PCDHA1: variants seen among roughly 807,000 people sequenced by gnomAD.
PCDHA1 encodes protocadherin alpha 1.
PCDHA1 carries 42 observed loss-of-function variants against 61.3 expected under a neutral mutation model. The observed-to-expected ratio is 0.69, with a 90% CI of 0.54 to 0.89. The LOEUF is 0.89. PCDHA1 is among the 40% of genes least tolerant of loss of function. The probability of loss-of-function intolerance (pLI) is 0.00; values close to 1 mark genes in which losing one functional copy is unlikely to be tolerated. For missense variants in PCDHA1, 1,256 were observed against 1,235.3 expected, an observed-to-expected ratio of 1.02 and a Z score of -0.25; for synonymous variants, 610 against 553.8, an observed-to-expected ratio of 1.10 and a Z score of -1.43.
chr5:140,949,263 C>T (rs1210516513), intron 1 of PCDHA1, among the ~76,000 whole-genome samples: 3 of 151,832 alleles, frequency 2.0e-5, no homozygotes, highest in South Asian at 4.1e-4. Flanking sequence ...GAACATATCA[C>T]GTGCACTTGA....
intron 1 of PCDHA1, among the ~76,000 whole-genome samples, chr5:140,947,890 G>A (rs1233922642): frequency 1.3e-5 from 2 of 151,506 alleles, no homozygotes; most frequent in African/African-American, 4.8e-5. Context: ...AATATAAACA[G>A]AAGTGGTGAG....
At chr5:140,928,699 G>A in intron 1 of PCDHA1, 3 of 1,614,170 alleles carry the variant, frequency 1.9e-6, no homozygotes, top group Non-Finnish European at 2.5e-6. Flanking sequence ...CATCTCCCGG[G>A]CGTCTGACTC....
chr5:140,856,271 G>T lies in PCDHA1; in HGVS notation c.2394+67587G>T, dbSNP rs782472888. On this transcript the variant is annotated intron_variant, in intron 1 of 3. Coordinates refer to ENST00000504120, the MANE Select transcript of PCDHA1 (RefSeq NM_018900.4). ...GTCCAAAAGACACGGGGACCTTCTG[G>T]AGGTAAATCTGCAGAATGGCATTTT... 7 of 1,598,148 alleles carry T rather than the reference G, an allele frequency of 4.4e-6. 1 individual carries two copies. The highest frequency in any genetic ancestry group is 6.0e-6 in the Non-Finnish European group (7 of 1,167,948).
chr5:140,843,262 G>T (rs2150356218), intron 1 of PCDHA1: 4 of 1,596,090 alleles, frequency 2.5e-6, no homozygotes, highest in Admixed American at 1.7e-5. Flanking sequence ...GCCACCGTCT[G>T]CTGGTCCTGG....
chr5:140,796,659 G>C (rs930219115), intron 1 of PCDHA1: 13 of 1,613,776 alleles, frequency 8.1e-6, no homozygotes, highest in Admixed American at 3.3e-5. Flanking sequence ...CGCCGGCACT[G>C]TTGGCGCCTA....
At chr5:140,795,754 T>A (rs182370314) in intron 1 of PCDHA1, 17 of 1,614,058 alleles carry the variant, frequency 1.1e-5, no homozygotes, top group Non-Finnish European at 1.4e-5. Context: ...AGTGGTTAAG[T>A]TAAACGCTTC....
intron 1 of PCDHA1, among the ~76,000 whole-genome samples, chr5:140,900,465 C>T (rs936722061): frequency 1.3e-5 from 2 of 152,156 alleles, no homozygotes; most frequent in Admixed American, 1.3e-4. Context: ...TTAGTAGACA[C>T]GGAGTTTCTC....
At chr5:140,830,049 A>G in intron 1 of PCDHA1, 1 of 1,613,626 alleles carries the variant, frequency 6.2e-7, no homozygotes, top group East Asian at 2.2e-5. Flanking sequence ...CTGGTGAAAG[A>G]CCACGGTGAG....
chr5:140,831,748 C>T (rs899662320), intron 1 of PCDHA1, among the ~76,000 whole-genome samples: 2 of 152,008 alleles, frequency 1.3e-5, no homozygotes, highest in Non-Finnish European at 1.5e-5. Context: ...TAAATTTCAT[C>T]GCTACCAATT....
intron 1 of PCDHA1, among the ~76,000 whole-genome samples, chr5:140,792,964 T>C (rs1247610593): frequency 1.3e-5 from 2 of 152,218 alleles, no homozygotes; most frequent in Admixed American, 1.3e-4. Context: ...ATAATTTAGG[T>C]GGAGCTGATT....
intron 1 of PCDHA1, among the ~76,000 whole-genome samples, chr5:140,879,457 T>A (rs1554170803): frequency 6.6e-6 from 1 of 152,176 alleles, no homozygotes; most frequent in Non-Finnish European, 1.5e-5. Context: ...TTTGAAGTCC[T>A]AAGAGAATAC....
At chr5:140,982,217 C>A in intron 2 of PCDHA1, 1 of 507,664 alleles carries the variant, frequency 2.0e-6, no homozygotes, top group Non-Finnish European at 3.1e-6. Flanking sequence ...CGCCACATGG[C>A]GTTAATAAAA....
intron 1 of PCDHA1, chr5:140,859,885 A>G (rs2046070858): frequency 1.3e-5 from 2 of 151,844 alleles, no homozygotes; most frequent in South Asian, 4.2e-4. Context: ...TGATATTTTG[A>G]AAAAAAATCT....
rs2150283763 is a variant in PCDHA1 at position 140,838,077 on chromosome 5, AGTGTGTGTGTGTGTGTGT to A, written c.2394+49430_2394+49447del. On this transcript the variant is annotated intron_variant, in intron 1 of 3. Coordinates refer to ENST00000504120, the MANE Select transcript of PCDHA1 (RefSeq NM_018900.4). ...TTTCCACTTTAAGTTATATATATAT[AGTGTGTGTGTGTGTGTGT>A]GTGTGTGTGTGTGTGTGTGTGTGTG... Among the ~76,000 whole-genome samples the A allele has an allele frequency of 8.8e-4, 71 of 80,700 alleles. No individual in the cohort carries two copies. The South Asian group carries it at 0.01, about 12-fold the overall frequency. The allele number at this position is 80,700 out of a possible 152,430, so 52.9% of individuals were successfully genotyped here. A position where few individuals can be genotyped will look rare whatever the true frequency, so the allele number is the denominator to read the frequency against.
intron 3 of PCDHA1, among the ~76,000 whole-genome samples, chr5:141,007,259 G>A (rs2098311634): frequency 6.6e-6 from 1 of 151,998 alleles, no homozygotes; most frequent in Non-Finnish European, 1.5e-5. Flanking sequence ...GTTAAAAGAA[G>A]CAGATACAGG....
chr5:140,932,469 A>T (rs1356318037), intron 1 of PCDHA1, among the ~76,000 whole-genome samples: 12 of 152,030 alleles, frequency 7.9e-5, no homozygotes, highest in African/African-American at 2.4e-4. Context: ...TATATAGGAA[A>T]TAGGATATCT....
intron 1 of PCDHA1, chr5:140,857,005 A>C: frequency 6.3e-7 from 1 of 1,595,528 alleles, no homozygotes; most frequent in East Asian, 2.2e-5. Context: ...AAATTCATGT[A>C]GATGTTACAG....
chr5:140,998,070 G>T (rs2097795700), intron 3 of PCDHA1, among the ~76,000 whole-genome samples: 1 of 152,050 alleles, frequency 6.6e-6, no homozygotes, highest in Admixed American at 6.6e-5. Context: ...AACAGACTTA[G>T]CCTCTGCAGT....
rs1238131938 is a variant in PCDHA1, at chr5:141,010,564, G to A, written c.*627G>A. Reference sequence around the variant, plus strand: ...GAGACAAAACTACCCCCACTGACAAGGCTTTAGGAGACCCTAAAGTCTGTT... The same window carrying A: ...GAGACAAAACTACCCCCACTGACAAAGCTTTAGGAGACCCTAAAGTCTGTT... On this transcript the variant is annotated 3_prime_UTR_variant, in exon 4 of 4. Coordinates refer to ENST00000504120, the MANE Select transcript of PCDHA1 (RefSeq NM_018900.4). 1 of 289,402 alleles carries A rather than the reference G, an allele frequency of 3.5e-6. No homozygotes were observed. Among genetic ancestry groups the A allele is most frequent in the Non-Finnish European group, 6.5e-6 (1 of 154,048 alleles). 17.9% of individuals were successfully genotyped at this position (289,402 alleles called of 1,614,324 possible).
Sources: allele counts gnomAD v4.1 joint callset (sites outside exome capture counted in the v4.1 genomes callset), GRCh38; gene constraint gnomAD v4.1.1; transcripts MANE v1.5; gene names NCBI Gene and HGNC (gene_info 2026-07-23, HGNC 2026-07-21).